The following AKR1B1 variants were observed in gnomAD, a reference collection of about 807,000 sequenced individuals.
AKR1B1 encodes aldo-keto reductase family 1 member B1.
AKR1B1 carries 22 observed loss-of-function variants against 40.4 expected under a neutral mutation model. That is an observed-to-expected ratio of 0.54 (90% CI 0.39 to 0.78). The LOEUF (loss-of-function observed/expected upper bound fraction) is 0.78, where lower values mean the gene tolerates loss of function less well. Among genes scored for constraint, AKR1B1 ranks in the 30% least tolerant of loss-of-function variants. The pLI, the probability that AKR1B1 is intolerant of heterozygous loss-of-function variation, is 0.00. For missense variants in AKR1B1, 357 were observed against 396.7 expected (o/e 0.90, Z 0.85); for synonymous variants, 157 against 149.9 (o/e 1.05, Z -0.35).
Position 134,447,964 on chromosome 7 carries a change from C to T in AKR1B1, c.741+16G>A. On this transcript the variant is annotated intron_variant, in intron 7 of 9. Transcript: ENST00000285930. The stretch of plus-strand genomic sequence containing the variant: ...AGGCAGTTGTGGACGGTCAGCAACA[C>T]CTGAAGTGGCTGTACCTGGGCTGTA... The T allele has an allele frequency of 1.2e-6, 2 of 1,607,696 alleles. No individual in the cohort carries two copies. The highest frequency in any genetic ancestry group is 1.1e-5 in the South Asian group (1 of 89,424).
intron 5 of AKR1B1, 62 bp downstream of exon 5, chr7:134,448,935 C>G: frequency 6.2e-7 from 1 of 1,610,430 alleles, no homozygotes; most frequent in South Asian, 1.1e-5. Context: ...CGAGAAATCC[C>G]TACCAGCATC....
chr7:134,453,784 T>C (rs1369340814), intron 1 of AKR1B1, among the ~76,000 whole-genome samples: 1 of 152,114 alleles, frequency 6.6e-6, no homozygotes, highest in East Asian at 1.9e-4. Context: ...AGGGAAAAAG[T>C]CACCTCTGCA....
intron 9 of AKR1B1, among the ~76,000 whole-genome samples, chr7:134,443,569 G>T (rs979991928): frequency 6.6e-6 from 1 of 151,192 alleles, no homozygotes; most frequent in Non-Finnish European, 1.5e-5. Context: ...TGGAAACAGG[G>T]CAGGGAGCAC....
intron 1 of AKR1B1, 110 bp downstream of exon 1, chr7:134,458,887 C>G: frequency 7.6e-7 from 1 of 1,308,104 alleles, no homozygotes; most frequent in Non-Finnish European, 1.1e-6. Context: ...TCCCAGCACG[C>G]CGGGCGTCCG....
At chr7:134,452,190 A>G (rs1484861469) in intron 1 of AKR1B1, among the ~76,000 whole-genome samples, 1 of 152,226 alleles carries the variant, frequency 6.6e-6, no homozygotes, top group East Asian at 1.9e-4. Context: ...TCCCCAGTTC[A>G]GCCAGTGAAT....
intron 8 of AKR1B1, 143 bp downstream of exon 8, chr7:134,447,155 C>A: frequency 1.3e-6 from 1 of 794,150 alleles, no homozygotes. Flanking sequence ...CAGTCTCAGT[C>A]TTGGCTTGCT....
At chr7:134,451,930 G>A in intron 1 of AKR1B1, 177 bp from the exon 2 acceptor site, 1 of 691,128 alleles carries the variant, frequency 1.4e-6, no homozygotes. Context: ...GGGGATGGAA[G>A]TGAAAGGCCA....
At chr7:134,451,316 C>T (rs1347480397) in intron 2 of AKR1B1, 14 of 557,776 alleles carry the variant, frequency 2.5e-5, no homozygotes, top group Non-Finnish European at 1.9e-5. Flanking sequence ...TCCTTGAAAG[C>T]GACTCCCTGG....
At chr7:134,454,090 T>C (rs1806388476) in intron 1 of AKR1B1, among the ~76,000 whole-genome samples, 1 of 152,204 alleles carries the variant, frequency 6.6e-6, no homozygotes, top group Admixed American at 6.5e-5. Flanking sequence ...ATGAGAGCTG[T>C]AGAAATGCAG....
At chr7:134,448,897 C>T in intron 5 of AKR1B1, 100 bp downstream of exon 5, 2 of 1,493,278 alleles carry the variant, frequency 1.3e-6, no homozygotes, top group Non-Finnish European at 1.9e-6. Context: ...CAGGAGCTGC[C>T]TCCTGGCCAC....
Position 134,442,653 on chromosome 7 carries a change from C to T in AKR1B1, c.*75G>A, listed in dbSNP as rs1805972153. 6.7e-7 allele frequency: 1 copy of T among 1,497,644 alleles called. No individual in the cohort carries two copies. Among genetic ancestry groups the T allele is most frequent in the Non-Finnish European group, 9.3e-7 (1 of 1,076,918 alleles). 92.8% of individuals were successfully genotyped at this position (1,497,644 alleles called of 1,614,324 possible). A position where few individuals can be genotyped will look rare whatever the true frequency, so the allele number is the denominator to read the frequency against. On this transcript the variant is annotated 3_prime_UTR_variant, in exon 10 of 10. Transcript: ENST00000285930. ...CCACTGCTGAGTGACACAGGCCATACTACATTTGCAAGGAAAAAAATGAGG... is the reference window on the plus strand; with the variant it reads ...CCACTGCTGAGTGACACAGGCCATATTACATTTGCAAGGAAAAAAATGAGG...
At chr7:134,451,827 C>A (rs1227008080) in intron 1 of AKR1B1, 74 bp from the exon 2 acceptor site, 1 of 1,523,128 alleles carries the variant, frequency 6.6e-7, no homozygotes, top group African/African-American at 1.4e-5. Context: ...GTGGCAGCCA[C>A]CGATACCTGC....
chr7:134,449,586 CAA>C (rs71531826), intron 4 of AKR1B1, 132 bp downstream of exon 4: 27,949 of 652,108 alleles, frequency 0.043, no homozygotes, highest in East Asian at 0.12. Flanking sequence ...GACCCCAACT[CAA>C]AAAAAAAAAA....
intron 1 of AKR1B1, 54 bp downstream of exon 1, chr7:134,458,943 G>C: frequency 3.8e-6 from 6 of 1,559,160 alleles, no homozygotes; most frequent in Non-Finnish European, 5.2e-6. Flanking sequence ...GCCAATACAG[G>C]CCGCGCGGAG....
chr7:134,448,498 A>G lies in AKR1B1; in HGVS notation c.553-5T>C. ...GAGATATGGGTGGCACTCAATCTGCAAATGCAAAAACAAGAGCTGATGGGA... is the reference window on the plus strand; with the variant it reads ...GAGATATGGGTGGCACTCAATCTGCGAATGCAAAAACAAGAGCTGATGGGA... On this transcript the variant is annotated splice_region_variant and splice_polypyrimidine_tract_variant and intron_variant, in intron 5 of 9. Coordinates refer to ENST00000285930, the MANE Select transcript of AKR1B1 (RefSeq NM_001628.4). 1 of 1,610,690 alleles carries G rather than the reference A, an allele frequency of 6.2e-7. No individual in the cohort carries two copies.
chr7:134,449,129 A>G lies in AKR1B1; in HGVS notation c.430-10T>C. Reference sequence around the variant, plus strand: ...CCAGCTCTTCCATGGCCTACAGAGAAAAGTGTCTGTGTGGTGCAGAAACGA... The same window carrying G: ...CCAGCTCTTCCATGGCCTACAGAGAGAAGTGTCTGTGTGGTGCAGAAACGA... On this transcript the variant is annotated splice_polypyrimidine_tract_variant and intron_variant, in intron 4 of 9. Coordinates refer to ENST00000285930, the MANE Select transcript of AKR1B1 (RefSeq NM_001628.4). The G allele has an allele frequency of 6.2e-7, 1 of 1,612,984 alleles. No individual in the cohort carries two copies. The highest frequency in any genetic ancestry group is 8.5e-7 in the Non-Finnish European group (1 of 1,180,024).
intron 9 of AKR1B1, among the ~76,000 whole-genome samples, chr7:134,443,471 G>T (rs750334923): frequency 6.6e-6 from 1 of 152,110 alleles, no homozygotes; most frequent in Admixed American, 6.6e-5. Context: ...GATAAGAGAA[G>T]CAACGGCAAG....
Position 134,442,654 on chromosome 7 carries a change from T to TAC in AKR1B1, c.*72_*73dup. On this transcript the variant is annotated 3_prime_UTR_variant, in exon 10 of 10. Transcript: ENST00000285930. ...CACTGCTGAGTGACACAGGCCATAC[T>TAC]ACATTTGCAAGGAAAAAAATGAGGC... The TAC allele has an allele frequency of 6.6e-7, 1 of 1,504,710 alleles. No homozygotes were observed. The highest frequency in any genetic ancestry group is 1.1e-5 in the South Asian group (1 of 87,866). 93.2% of individuals were successfully genotyped at this position (1,504,710 alleles called of 1,614,324 possible).
At chr7:134,445,632 G>A (rs1453179381) in intron 8 of AKR1B1, among the ~76,000 whole-genome samples, 1 of 152,220 alleles carries the variant, frequency 6.6e-6, no homozygotes, top group Non-Finnish European at 1.5e-5. Flanking sequence ...TGGGTAAGAT[G>A]TGTCTTTGCC....
Sources: allele counts gnomAD v4.1 joint callset (sites outside exome capture counted in the v4.1 genomes callset), GRCh38; gene constraint gnomAD v4.1.1; transcripts MANE v1.5; gene names NCBI Gene and HGNC (gene_info 2026-07-23, HGNC 2026-07-21).